Variants in TREM1 observed in about 807,000 individuals in gnomAD.
TREM1 encodes triggering receptor expressed on myeloid cells 1.
In TREM1, 16 loss-of-function variants were observed where a neutral mutation model predicts 22.4. The ratio of observed to expected loss-of-function variants is 0.71; its 90% CI spans 0.48 to 1.08. TREM1 has a LOEUF of 1.08. Ranked by LOEUF, TREM1 falls within the 50% of genes least tolerant of loss-of-function variation. TREM1 has a pLI of 0.00. For synonymous variants in TREM1, 110 were observed against 111.6 expected, an observed-to-expected ratio of 0.99 and a Z score of 0.09; for missense variants, 283 against 282.9, an observed-to-expected ratio of 1.00 and a Z score of 0.00.
chr6:41,286,553 C>G (rs1476248443), intron 1 of TREM1, 54 bp downstream of exon 1: 1 of 1,601,686 alleles, frequency 6.2e-7, no homozygotes. Context: ...GAAAAGGGCT[C>G]CCCGAGATCC....
At chr6:41,282,238 A>G in intron 2 of TREM1, 157 bp downstream of exon 2, 1 of 627,760 alleles carries the variant, frequency 1.6e-6, no homozygotes. Context: ...TCATGCATGG[A>G]AGGTTCTACT....
chr6:41,269,911 A>G (rs1561913026), downstream of TREM1: 1 of 152,268 alleles, frequency 6.6e-6, no homozygotes, highest in South Asian at 2.1e-4. Context: ...GGTGCAGGAC[A>G]AAGGGGACCT....
At chr6:41,271,296 C>T (rs1022891252), downstream of TREM1, among the ~76,000 whole-genome samples, 3 of 152,198 alleles carry the variant, frequency 2.0e-5, no homozygotes, top group African/African-American at 7.2e-5. Context: ...ATTCTTAAGA[C>T]AACCCTCTGA....
In TREM1 at chr6:41,276,197, A is replaced by G. The variant is rs2234244; in HGVS notation, c.633T>C (p.Ala211=). 1.4e-3 allele frequency: 2,217 copies of G among 1,614,138 alleles called. 23 individuals carry two copies. The African/African-American group carries it at 0.022, about 16-fold the overall frequency. The change falls in exon 4 of 4, where the codon GCT becomes GCC. Residue 211 remains alanine, a synonymous_variant. Transcript: ENST00000244709. ...CCAGGCTCTTACTCAGGAATCCACC[A>G]GCCAGGAGAATGACAATGTTGAACA... ...VPVFNIVILL[A]GGFLSKSLVF... is the part of the protein sequence containing the mutation.
chr6:41,284,715 T>A (rs888469954), intron 1 of TREM1, among the ~76,000 whole-genome samples: 4 of 152,090 alleles, frequency 2.6e-5, no homozygotes, highest in Non-Finnish European at 5.9e-5. Flanking sequence ...TGCTTACCCT[T>A]TCATGGAGCC....
chr6:41,278,099 A>AT (rs139121778), intron 3 of TREM1, among the ~76,000 whole-genome samples: 32,656 of 149,790 alleles, frequency 0.22, 4,253 homozygotes, highest in Admixed American at 0.32. Flanking sequence ...TTTTTTTATT[A>AT]TTTTTTTGTA....
chr6:41,281,248 G>A, intron 2 of TREM1, 95 bp from the exon 3 acceptor site: 1 of 1,404,706 alleles, frequency 7.1e-7, no homozygotes, highest in South Asian at 1.4e-5. Flanking sequence ...GGATGAAAAT[G>A]TGGATGAGTT....
chr6:41,272,310 C>T (rs1410405276), downstream of TREM1, among the ~76,000 whole-genome samples: 1 of 152,156 alleles, frequency 6.6e-6, no homozygotes, highest in Non-Finnish European at 1.5e-5. Flanking sequence ...TCACTCACCC[C>T]TTCAGGCCAC....
intron 3 of TREM1, chr6:41,279,477 G>A (rs1051117200): frequency 1.0e-6 from 1 of 962,848 alleles, no homozygotes; most frequent in African/African-American, 1.8e-5. Flanking sequence ...CAAAGATTAT[G>A]TTCTCTTAAC....
chr6:41,281,783 C>G (rs1251038526), intron 2 of TREM1: 1 of 159,042 alleles, frequency 6.3e-6, no homozygotes, highest in Non-Finnish European at 1.4e-5. Context: ...CAGGAAGGCA[C>G]AGGTGCTTCC....
At chr6:41,280,034 A>T in intron 3 of TREM1, 2 of 976,988 alleles carry the variant, frequency 2.0e-6, no homozygotes, top group Non-Finnish European at 2.4e-6. Context: ...CATTGAAATT[A>T]TATTTATGAA....
At position 41,277,614 on chromosome 6, in the gene TREM1, G is replaced by A. The variant is rs572405366; in HGVS notation, c.600-1384C>T. 2.4e-4 allele frequency among the ~76,000 whole-genome samples: 37 copies of A among 152,224 alleles called. 1 individual carries two copies. Among genetic ancestry groups the A allele is most frequent in the Non-Finnish European group, 4.7e-4 (32 of 68,014 alleles). On this transcript the variant is annotated intron_variant, in intron 3 of 3. Transcript: ENST00000244709. ...TCCTGGGGCATGTCCACTCCCAACAGGCCACCATCTGCATTTTTTTCGAGG... is the reference window on the plus strand; with the variant it reads ...TCCTGGGGCATGTCCACTCCCAACAAGCCACCATCTGCATTTTTTTCGAGG...
downstream of TREM1, among the ~76,000 whole-genome samples, chr6:41,267,518 G>A (rs1210887283): frequency 6.6e-6 from 1 of 152,144 alleles, no homozygotes; most frequent in Non-Finnish European, 1.5e-5. Context: ...TGGAAAATAT[G>A]AAATATGATT....
At chr6:41,281,238 G>T in intron 2 of TREM1, 85 bp from the exon 3 acceptor site, 2 of 1,459,018 alleles carry the variant, frequency 1.4e-6, no homozygotes, top group Non-Finnish European at 9.3e-7. Context: ...ATGGATGTAT[G>T]GATGAAAATG....
chr6:41,272,978 TCCCCTTC>T (rs1373738059), downstream of TREM1, among the ~76,000 whole-genome samples: 1 of 152,036 alleles, frequency 6.6e-6, no homozygotes. Flanking sequence ...GAGTTCTGCT[TCCCCTTC>T]TATTGAGGAT....
At position 41,282,857 on chromosome 6, in the gene TREM1, T is replaced by A. The variant is rs1183135624; in HGVS notation, c.50-106A>T. 5.8e-6 allele frequency: 6 copies of A among 1,043,314 alleles called. No individual in the cohort carries two copies. The East Asian group carries it at 1.4e-4, about 25-fold the overall frequency. The allele number at this position is 1,043,314 out of a possible 1,614,324, so 64.6% of individuals were successfully genotyped here. A position where few individuals can be genotyped will look rare whatever the true frequency, so the allele number is the denominator to read the frequency against. On this transcript the variant is annotated intron_variant, in intron 1 of 3. Coordinates refer to ENST00000244709, the MANE Select transcript of TREM1 (RefSeq NM_018643.5). ...GTTTTTCTTGTCCAACCACCCATAT[T>A]TCAGATGAGGTTCTTGAGGCCTCCA...
At chr6:41,286,469 G>C (rs1193405588) in intron 1 of TREM1, 138 bp downstream of exon 1, 4 of 773,690 alleles carry the variant, frequency 5.2e-6, no homozygotes, top group East Asian at 5.3e-5. Context: ...CCCAATTCTG[G>C]GTAGAGCAGC....
At chr6:41,272,632 C>A (rs1236994554), downstream of TREM1, among the ~76,000 whole-genome samples, 1 of 151,962 alleles carries the variant, frequency 6.6e-6, no homozygotes, top group African/African-American at 2.4e-5. Context: ...GGCAAGGAGT[C>A]CAAGTTGACC....
At chr6:41,280,585 T>A (rs1287746377) in intron 3 of TREM1, 2 of 1,222,354 alleles carry the variant, frequency 1.6e-6, no homozygotes, top group African/African-American at 3.0e-5. Flanking sequence ...TCACCCAAAG[T>A]CACATTCAGT....
Sources: gnomAD v4.1 joint callset for allele counts (sites outside exome capture counted in the v4.1 genomes callset) on GRCh38, gnomAD v4.1.1 for gene constraint, MANE v1.5 for transcripts, NCBI Gene and HGNC (gene_info 2026-07-23, HGNC 2026-07-21) for gene names.